Variants in FCRL2 observed in about 807,000 individuals in gnomAD.
The protein encoded by FCRL2 is Fc receptor-like protein 2.
In FCRL2, 48 loss-of-function variants were observed where a neutral mutation model predicts 59.8. The observed-to-expected ratio is 0.80, with a 90% CI of 0.64 to 1.02. The LOEUF is 1.02. Ranked by LOEUF, FCRL2 falls within the 50% of genes least tolerant of loss-of-function variation. FCRL2 has a pLI of 0.00. For synonymous variants in FCRL2, 251 were observed against 229.5 expected (o/e 1.09, Z -0.85); for missense variants, 658 against 597.3 (o/e 1.10, Z -1.06).
intron 7 of FCRL2, among the ~76,000 whole-genome samples, chr1:157,765,941 G>A (rs1649456300): frequency 6.6e-6 from 1 of 152,142 alleles, no homozygotes; most frequent in African/African-American, 2.4e-5. Flanking sequence ...ACTACTTTAA[G>A]GTCATCATGC....
chr1:157,777,014 T>A (rs767542548), intron 1 of FCRL2, 29 bp downstream of exon 1: 1 of 1,603,620 alleles, frequency 6.2e-7, no homozygotes, highest in South Asian at 1.1e-5. Flanking sequence ...AGCTGCCACC[T>A]CACTTCTCAG....
At chr1:157,768,780 G>T in intron 4 of FCRL2, 79 bp from the exon 5 acceptor site, 1 of 1,342,892 alleles carries the variant, frequency 7.4e-7, no homozygotes, top group Non-Finnish European at 1.0e-6. Flanking sequence ...ATTCTCTAAT[G>T]CAAAATGTGG....
chr1:157,768,710 A>C lies in FCRL2; in HGVS notation c.596-9T>G. On this transcript the variant is annotated splice_polypyrimidine_tract_variant and intron_variant, in intron 4 of 11. Coordinates refer to ENST00000361516, the MANE Select transcript of FCRL2 (RefSeq NM_030764.4). ...ATTAGAGATGGGGATTCCTAGATGG[A>C]TATAAGACAACAGGTGAGAACTCTA... 1 of 1,594,796 alleles carries C rather than the reference A, an allele frequency of 6.3e-7. No homozygotes were observed. The highest frequency in any genetic ancestry group is 1.8e-4 in the Middle Eastern group (1 of 5,670).
intron 7 of FCRL2, among the ~76,000 whole-genome samples, chr1:157,760,698 GGAAAGAAAGAAA>G (rs1163684979): frequency 0.021 from 2,002 of 97,202 alleles, 46 homozygotes; most frequent in African/African-American, 0.062. Flanking sequence ...AAAGAAAGAA[GGAAAGAAAGAAA>G]GAAAGAAAGA....
At chr1:157,760,695 GAAGGAAAGAAA>G (rs1557860348) in intron 7 of FCRL2, among the ~76,000 whole-genome samples, 1,694 of 121,796 alleles carry the variant, frequency 0.014, 70 homozygotes, top group African/African-American at 0.055. Flanking sequence ...AAGAAAGAAA[GAAGGAAAGAAA>G]GAAAGAAAGA....
chr1:157,771,028 C>T (rs1649982147), intron 2 of FCRL2, among the ~76,000 whole-genome samples: 2 of 152,166 alleles, frequency 1.3e-5, no homozygotes, highest in South Asian at 4.1e-4. Context: ...GAAAACTAAT[C>T]AGCTAACTCT....
At chr1:157,763,759 G>A (rs554710401) in intron 7 of FCRL2, among the ~76,000 whole-genome samples, 5 of 151,584 alleles carry the variant, frequency 3.3e-5, no homozygotes, top group South Asian at 2.1e-4. Flanking sequence ...GGCTGGGCAC[G>A]GTGGCTCATG....
intron 7 of FCRL2, among the ~76,000 whole-genome samples, chr1:157,763,567 G>A (rs145922984): frequency 3.9e-5 from 6 of 152,000 alleles, no homozygotes; most frequent in Non-Finnish European, 7.4e-5. Context: ...TTATAGACTC[G>A]CTGAATGGGT....
In FCRL2 at chr1:157,761,595, C is replaced by G. The variant is rs1342948604; in HGVS notation, c.1279+5260G>C. Among the ~76,000 whole-genome samples the G allele has an allele frequency of 4.6e-5, 7 of 152,058 alleles. No individual in the cohort carries two copies. The East Asian group carries it at 1.2e-3, about 25-fold the overall frequency. On this transcript the variant is annotated intron_variant, in intron 7 of 11. Transcript: ENST00000361516. ...CTGCACTCCAGCCTCGGCAACAGAGCAAGACCTTGTCTCCCCCAAAAGGCA... is the reference window on the plus strand; with the variant it reads ...CTGCACTCCAGCCTCGGCAACAGAGGAAGACCTTGTCTCCCCCAAAAGGCA...
At chr1:157,764,084 G>A (rs917730975) in intron 7 of FCRL2, among the ~76,000 whole-genome samples, 1 of 149,456 alleles carries the variant, frequency 6.7e-6, no homozygotes, top group Non-Finnish European at 1.5e-5. Flanking sequence ...CACGCCTGTA[G>A]TCCCAGCTAC....
rs1312835357 is a variant in FCRL2, at chr1:157,768,453, C to T, written c.844G>A (p.Val282Met). Residue 282 changes from valine (V) to methionine (M), a missense_variant, in exon 5 of 12, where the codon GTG (valine) becomes ATG (methionine). Transcript: ENST00000361516. ...TTCACCACCTTGCTCTGGATAGGCA[C>T]ATGGCCGTTGTCAGCTCTACAGTAA... The part of the protein sequence containing the change: ...KYYCRADNGH[V>M]PIQSKVVNIP... The T allele has an allele frequency of 1.2e-6, 2 of 1,614,228 alleles. No individual in the cohort carries two copies. The highest frequency in any genetic ancestry group is 1.1e-5 in the South Asian group (1 of 91,080).
intron 7 of FCRL2, among the ~76,000 whole-genome samples, chr1:157,756,124 A>G (rs1378944237): frequency 6.6e-6 from 1 of 152,242 alleles, no homozygotes; most frequent in Non-Finnish European, 1.5e-5. Flanking sequence ...AGATTAGCCA[A>G]TGAAAGAAAG....
intron 2 of FCRL2, among the ~76,000 whole-genome samples, chr1:157,773,090 G>A (rs1237215616): frequency 2.0e-5 from 3 of 152,170 alleles, no homozygotes; most frequent in Non-Finnish European, 4.4e-5. Flanking sequence ...GTACCCTCAA[G>A]GCAGAAGCCT....
intron 7 of FCRL2, among the ~76,000 whole-genome samples, chr1:157,754,914 C>T (rs11264812): frequency 0.018 from 2,688 of 151,164 alleles, 71 homozygotes; most frequent in African/African-American, 0.061. Context: ...TGCAGTGATC[C>T]GAGATTGCAC....
chr1:157,771,955 CAA>C (rs1340198421), intron 2 of FCRL2, among the ~76,000 whole-genome samples: 1 of 151,444 alleles, frequency 6.6e-6, no homozygotes, highest in East Asian at 1.9e-4. Context: ...TAATTTTTGG[CAA>C]AATGTATGGT....
chr1:157,769,412 T>TGG (rs1416365470), intron 4 of FCRL2: 3 of 161,300 alleles, frequency 1.9e-5, no homozygotes, highest in Admixed American at 5.7e-5. Context: ...AGGAGCAATC[T>TGG]GGAGGGGTTT....
chr1:157,748,101 A>G (rs1243779140), intron 10 of FCRL2, among the ~76,000 whole-genome samples: 3 of 151,902 alleles, frequency 2.0e-5, no homozygotes, highest in Non-Finnish European at 4.4e-5. Context: ...CAGATTTCCT[A>G]TCAAGGGCAA....
chr1:157,758,159 T>C (rs1457847637), intron 7 of FCRL2, among the ~76,000 whole-genome samples: 1 of 152,186 alleles, frequency 6.6e-6, no homozygotes, highest in Non-Finnish European at 1.5e-5. Flanking sequence ...TCTCGTTTTG[T>C]AAGTGAGGAA....
chr1:157,757,823 G>A (rs548980999), intron 7 of FCRL2, among the ~76,000 whole-genome samples: 14 of 152,310 alleles, frequency 9.2e-5, no homozygotes, highest in South Asian at 8.3e-4. Flanking sequence ...TTAGCCAGGC[G>A]TGGTGGCGGA....
Sources: allele counts gnomAD v4.1 joint callset (sites outside exome capture counted in the v4.1 genomes callset), GRCh38; gene constraint gnomAD v4.1.1; transcripts MANE v1.5; gene names NCBI Gene and HGNC (gene_info 2026-07-23, HGNC 2026-07-21).